Variants in CCDC40 observed in about 807,000 individuals in gnomAD.
The protein encoded by CCDC40 is coiled-coil domain-containing protein 40.
A neutral mutation model predicts 124.5 loss-of-function variants in CCDC40; 104 were observed. The observed-to-expected ratio is 0.84, with a 90% CI of 0.71 to 0.98. The LOEUF (loss-of-function observed/expected upper bound fraction) is 0.98, where lower values mean the gene tolerates loss of function less well. Among genes scored for constraint, CCDC40 ranks in the 50% least tolerant of loss-of-function variants. The pLI, the probability that CCDC40 is intolerant of heterozygous loss-of-function variation, is 0.00. For missense variants in CCDC40, 1,463 were observed against 1,503.9 expected (o/e 0.97, Z 0.45); for synonymous variants, 580 against 602.9 (o/e 0.96, Z 0.56).
At chr17:80,059,867 A>G (rs541200809) in intron 9 of CCDC40, among the ~76,000 whole-genome samples, 1 of 152,178 alleles carries the variant, frequency 6.6e-6, no homozygotes, top group South Asian at 2.1e-4. Flanking sequence ...GCCAATGAAA[A>G]AGAAGGAAGA....
In CCDC40 at chr17:80,097,587, T is replaced by C. The variant is rs2038833829; in HGVS notation, c.3180+184T>C. 3 of 621,972 alleles carry C rather than the reference T, an allele frequency of 4.8e-6. No homozygotes were observed. In the Admixed American group the frequency reaches 8.5e-5, roughly 18 times the overall value. 38.5% of individuals were successfully genotyped at this position (621,972 alleles called of 1,614,324 possible). ...TTTGTGGCTTTGTGATTTGTTCCAC[T>C]GACAAATGTTGATGGAGTATCTGTT... On this transcript the variant is annotated intron_variant, in intron 19 of 19. Coordinates refer to ENST00000397545, the MANE Select transcript of CCDC40 (RefSeq NM_017950.4).
In CCDC40 at chr17:80,058,566, T is replaced by C. The variant is rs753785905; in HGVS notation, c.1232T>C (p.Met411Thr). The C allele has an allele frequency of 3.7e-6, 6 of 1,613,998 alleles. No homozygotes were observed. The highest frequency in any genetic ancestry group is 5.1e-6 in the Non-Finnish European group (6 of 1,180,004). The change falls in exon 8 of 20, where the codon ATG becomes ACG. Residue 411 changes from methionine (M) to threonine (T), a missense_variant. Coordinates refer to ENST00000397545, the MANE Select transcript of CCDC40 (RefSeq NM_017950.4). This position sits in a 1 kb window ranked among gnomAD's most constrained non-coding sequence, Gnocchi z 4.2. ...LFYMQNIDQDMRDDIRVMTQV... is the reference protein window; with the variant it reads ...LFYMQNIDQDTRDDIRVMTQV... ...TACATGCAGAACATCGACCAGGACA[T>C]GCGTGACGACATCCGCGTGATGACA...
At chr17:80,096,522 C>T (rs2143779280) in intron 18 of CCDC40, among the ~76,000 whole-genome samples, 1 of 152,234 alleles carries the variant, frequency 6.6e-6, no homozygotes, top group African/African-American at 2.4e-5. Context: ...GGCCCCTGAC[C>T]ACTCCTTGCT....
chr17:80,047,282 G>A lies in CCDC40; in HGVS notation c.556G>A (p.Gly186Arg). The A allele has an allele frequency of 1.2e-6, 2 of 1,614,034 alleles. No homozygotes were observed. Among genetic ancestry groups the A allele is most frequent in the Non-Finnish European group, 1.7e-6 (2 of 1,179,946 alleles). The stretch of plus-strand genomic sequence containing the variant: ...GTTTTGGTTGTTCTTGCCATAGACA[G>A]GATCCACAGAGGAGCCCCAGGGGCA... ...TSGPAVGRLT[G>R]STEEPQGQVL... The change falls in exon 4 of 20, where the codon GGA (glycine) becomes AGA (arginine). Residue 186 changes from glycine to arginine, a missense_variant. Coordinates refer to ENST00000397545, the MANE Select transcript of CCDC40 (RefSeq NM_017950.4).
chr17:80,046,150 A>C (rs1038540599), intron 3 of CCDC40, among the ~76,000 whole-genome samples: 1 of 152,240 alleles, frequency 6.6e-6, no homozygotes, highest in Non-Finnish European at 1.5e-5. Flanking sequence ...CATGATTGTT[A>C]AAGTAATAGG....
In CCDC40 at chr17:80,038,143, C is replaced by A; in HGVS notation, c.50C>A (p.Ser17Ter). The change falls in exon 2 of 20, where the codon TCG (serine) becomes TAG (stop). Residue 17 changes from serine (S) to a stop codon, truncating the protein, a stop_gained. Transcript: ENST00000397545. LOFTEE classifies it high-confidence loss of function. ...ACCAGGTCCCATCCGGAAGATGGAT[C>A]GGCTTCTGAGGGAGAGAAGGAAGGG... ...AAGRSHPEDG[S>*]ASEGEKEGNN... The A allele has an allele frequency of 1.2e-6, 2 of 1,610,674 alleles. No homozygotes were observed. The highest frequency in any genetic ancestry group is 1.1e-5 in the South Asian group (1 of 90,954).
At position 80,100,410 on chromosome 17, in the gene CCDC40, G is replaced by C. The variant is rs911634173; in HGVS notation, c.*635G>C. Reference sequence around the variant, plus strand: ...GTGAGCACTGAAATAAGAGCACGCTGGGGCGTCCACACCAAGGGACTACGC... The same window carrying C: ...GTGAGCACTGAAATAAGAGCACGCTCGGGCGTCCACACCAAGGGACTACGC... On this transcript the variant is annotated 3_prime_UTR_variant, in exon 20 of 20. Coordinates refer to ENST00000397545, the MANE Select transcript of CCDC40 (RefSeq NM_017950.4). The C allele has an allele frequency of 7.0e-5, 11 of 157,010 alleles. No homozygotes were observed. The highest frequency in any genetic ancestry group is 3.4e-3 in the Middle Eastern group (1 of 298). The allele number at this position is 157,010 out of a possible 1,614,324, so 9.7% of individuals were successfully genotyped here. A position where few individuals can be genotyped will look rare whatever the true frequency, so the allele number is the denominator to read the frequency against.
In CCDC40 at chr17:80,090,422, CGTGCATGAACAACACAGGACACACACA is replaced by C. The variant is rs2038701882; in HGVS notation, c.2832+539_2832+565del. The stretch of plus-strand genomic sequence containing the variant: ...TGAACAACACAGGACACACACAGCA[CGTGCATGAACAACACAGGACACACACA>C]AGCACGTGCATGAACAACACAGGAC... On this transcript the variant is annotated intron_variant, in intron 17 of 19. Coordinates refer to ENST00000397545, the MANE Select transcript of CCDC40 (RefSeq NM_017950.4). The C allele has an allele frequency of 2.0e-5, 4 of 196,026 alleles. No individual in the cohort carries two copies. In the East Asian group the frequency reaches 7.5e-4, roughly 37 times the overall value. The allele number at this position is 196,026 out of a possible 1,614,324, so 12.1% of individuals were successfully genotyped here. A position where few individuals can be genotyped will look rare whatever the true frequency, so the allele number is the denominator to read the frequency against.
In CCDC40 at chr17:80,081,604, A is replaced by G; in HGVS notation, c.1621A>G (p.Ile541Val). ...CGAGATTGAGGCCTATAAGAAATCC[A>G]TCATGAAGGAGGAAGAAAAGAACGA... Reference protein sequence around the residue: ...DGEIEAYKKSIMKEEEKNEKL... With the variant: ...DGEIEAYKKSVMKEEEKNEKL... Residue 541 changes from isoleucine (I) to valine (V), a missense_variant, in exon 11 of 20, where the codon ATC becomes GTC. Transcript: ENST00000397545. The G allele has an allele frequency of 6.2e-7, 1 of 1,614,130 alleles. No homozygotes were observed. The highest frequency in any genetic ancestry group is 1.1e-5 in the South Asian group (1 of 91,090).
intron 7 of CCDC40, among the ~76,000 whole-genome samples, chr17:80,057,376 C>A (rs1302764915): frequency 6.6e-6 from 1 of 152,022 alleles, no homozygotes; most frequent in Non-Finnish European, 1.5e-5. Context: ...GCGTGAGCCA[C>A]CACACCCAGC....
chr17:80,082,100 C>A (rs1259560435), intron 12 of CCDC40, 42 bp downstream of exon 12: 15 of 1,591,354 alleles, frequency 9.4e-6, no homozygotes, highest in Non-Finnish European at 1.3e-5. Context: ...AAGCCCCCTG[C>A]AGCCTGGGCA....
chr17:80,040,375 C>A, intron 3 of CCDC40, 105 bp downstream of exon 3: 2 of 1,133,382 alleles, frequency 1.8e-6, no homozygotes, highest in Non-Finnish European at 2.6e-6. Flanking sequence ...AATTGCAATC[C>A]CTGTTAGAAA....
chr17:80,093,632 G>C (rs2038757287), intron 17 of CCDC40, among the ~76,000 whole-genome samples: 1 of 151,640 alleles, frequency 6.6e-6, no homozygotes, highest in Non-Finnish European at 1.5e-5. Context: ...TCCCGCCTCA[G>C]CCTCCTGAGT....
At position 80,066,044 on chromosome 17, in the gene CCDC40, T is replaced by A. The variant is rs1598511727; in HGVS notation, c.1562+438T>A. The A allele has an allele frequency of 2.0e-5, 14 of 699,214 alleles. No individual in the cohort carries two copies. The East Asian group carries it at 3.8e-4, about 19-fold the overall frequency. 43.3% of individuals were successfully genotyped at this position (699,214 alleles called of 1,614,324 possible). A position where few individuals can be genotyped will look rare whatever the true frequency, so the allele number is the denominator to read the frequency against. ...GGGAGGAAGAGGCCTCCTCTGGGCA[T>A]CCCCTCACTTCTGGGGATGGATGCG... On this transcript the variant is annotated intron_variant, in intron 10 of 19. Transcript: ENST00000397545. The surrounding 1 kb of genome is among the most constrained non-coding windows in gnomAD (Gnocchi z 4.4).
intron 10 of CCDC40, chr17:80,068,065 G>C (rs773393830): frequency 8.2e-6 from 7 of 852,180 alleles, no homozygotes; most frequent in Non-Finnish European, 9.9e-6. Flanking sequence ...ATGGAGTCTC[G>C]CTCTGTCCCC....
rs370271000 is a variant in CCDC40 at position 80,058,458 on chromosome 17, ACT to A, written c.1160-25_1160-24del. On this transcript the variant is annotated intron_variant, in intron 7 of 19. Transcript: ENST00000397545. This position sits in a 1 kb window ranked among gnomAD's most constrained non-coding sequence, Gnocchi z 4.2. Reference sequence around the variant, plus strand: ...GGACGCTGGGACAGCCTCCCCACTCACTCTCTCTCTCTTTCTCCCCCGCCGCG... The same window carrying A: ...GGACGCTGGGACAGCCTCCCCACTCACTCTCTCTCTTTCTCCCCCGCCGCG... The A allele has an allele frequency of 1.7e-4, 265 of 1,583,608 alleles. No homozygotes were observed. Among genetic ancestry groups the A allele is most frequent in the Middle Eastern group, 3.9e-4 (2 of 5,130 alleles).
rs1166367974 is a variant in CCDC40, at chr17:80,058,144, G to A, written c.1160-350G>A. 6.6e-6 allele frequency among the ~76,000 whole-genome samples: 1 copy of A among 152,168 alleles called. No homozygotes were observed. Among genetic ancestry groups the A allele is most frequent in the African/African-American group, 2.4e-5 (1 of 41,446 alleles). On this transcript the variant is annotated intron_variant, in intron 7 of 19. Coordinates refer to ENST00000397545, the MANE Select transcript of CCDC40 (RefSeq NM_017950.4). This position sits in a 1 kb window ranked among gnomAD's most constrained non-coding sequence, Gnocchi z 4.2. Reference sequence around the variant, plus strand: ...TCCACCTAAGGTTGCCAGCCTTTCAGTGGTAAGACATCTATGCAATCAACC... The same window carrying A: ...TCCACCTAAGGTTGCCAGCCTTTCAATGGTAAGACATCTATGCAATCAACC...
intron 18 of CCDC40, 68 bp from the exon 19 acceptor site, chr17:80,097,177 C>T: frequency 6.4e-7 from 1 of 1,567,282 alleles, no homozygotes; most frequent in Non-Finnish European, 8.8e-7. Context: ...GTCCTCCCAG[C>T]CTGACTCTTC....
chr17:80,046,454 G>A (rs1448923373), intron 3 of CCDC40, among the ~76,000 whole-genome samples: 1 of 151,946 alleles, frequency 6.6e-6, no homozygotes, highest in Non-Finnish European at 1.5e-5. Context: ...GATCACCGGA[G>A]CCCAGAAGTT....
Sources: allele counts gnomAD v4.1 joint callset (sites outside exome capture counted in the v4.1 genomes callset), GRCh38; gene constraint gnomAD v4.1.1; non-coding constraint Gnocchi (gnomAD v3.1); transcripts MANE v1.5; gene names NCBI Gene and HGNC (gene_info 2026-07-23, HGNC 2026-07-21).